Variants in CWC27 observed in about 807,000 individuals in gnomAD.
The protein encoded by CWC27 is spliceosome-associated protein CWC27 homolog.
CWC27 carries 47 observed loss-of-function variants against 63.6 expected under a neutral mutation model. That is an observed-to-expected ratio of 0.74 (90% CI 0.58 to 0.94). The LOEUF is 0.94. CWC27 is among the 40% of genes least tolerant of loss of function. The probability of loss-of-function intolerance (pLI) is 0.00; values close to 1 mark genes in which losing one functional copy is unlikely to be tolerated. For missense variants in CWC27, 495 were observed against 554.3 expected (o/e 0.89, Z 1.07); for synonymous variants, 175 against 179.8 (o/e 0.97, Z 0.22).
intron 11 of CWC27, among the ~76,000 whole-genome samples, chr5:64,934,268 A>C (rs1561161853): frequency 6.6e-6 from 1 of 152,080 alleles, no homozygotes; most frequent in Admixed American, 6.5e-5. Flanking sequence ...CCACTTCCCA[A>C]CAGACCCTGG....
chr5:64,897,049 T>C (rs1340562910), intron 11 of CWC27, among the ~76,000 whole-genome samples: 6 of 152,004 alleles, frequency 3.9e-5, no homozygotes, highest in Non-Finnish European at 8.8e-5. Context: ...TCATTTCTAC[T>C]AAAATACAAA....
At chr5:65,014,117 A>T (rs1750010237) in intron 13 of CWC27, among the ~76,000 whole-genome samples, 1 of 150,958 alleles carries the variant, frequency 6.6e-6, no homozygotes, top group Non-Finnish European at 1.5e-5. Flanking sequence ...CCAAAAAAAC[A>T]CCAAAAACAA....
chr5:64,795,235 T>G (rs1182967804), intron 7 of CWC27, among the ~76,000 whole-genome samples: 1 of 152,232 alleles, frequency 6.6e-6, no homozygotes, highest in Non-Finnish European at 1.5e-5. Flanking sequence ...TGTTAAACAG[T>G]GTAATTTGTA....
intron 10 of CWC27, among the ~76,000 whole-genome samples, chr5:64,831,509 G>T (rs982230397): frequency 2.0e-5 from 3 of 151,702 alleles, no homozygotes; most frequent in Admixed American, 6.6e-5. Flanking sequence ...TAGATAGATA[G>T]ATAGACAGAC....
intron 11 of CWC27, among the ~76,000 whole-genome samples, chr5:64,943,141 T>C (rs1209551192): frequency 1.3e-5 from 2 of 152,066 alleles, no homozygotes; most frequent in Non-Finnish European, 2.9e-5. Flanking sequence ...AGTATGATTA[T>C]ACTCCTAGGT....
intron 7 of CWC27, among the ~76,000 whole-genome samples, chr5:64,795,268 T>G (rs978376388): frequency 5.9e-5 from 9 of 152,188 alleles, no homozygotes; most frequent in Non-Finnish European, 1.3e-4. Context: ...CTTATCAAAT[T>G]GTATTCAACT....
chr5:64,970,464 G>A (rs188709141), intron 11 of CWC27, among the ~76,000 whole-genome samples: 2 of 151,628 alleles, frequency 1.3e-5, no homozygotes, highest in Admixed American at 6.6e-5. Context: ...CGCCCACCTC[G>A]GCCTCCGAAA....
chr5:64,809,888 T>G (rs1274422082), intron 10 of CWC27, among the ~76,000 whole-genome samples: 1 of 152,202 alleles, frequency 6.6e-6, no homozygotes, highest in East Asian at 1.9e-4. Context: ...CGCAGAACTT[T>G]TTTAGTTTGA....
At position 64,830,645 on chromosome 5, in the gene CWC27, C is replaced by A. The variant is rs186380519; in HGVS notation, c.938+26259C>A. Among the ~76,000 whole-genome samples the A allele has an allele frequency of 3.2e-3, 482 of 152,214 alleles. 4 individuals are homozygous for A. Among genetic ancestry groups the A allele is most frequent in the East Asian group, 0.013 (65 of 5,176 alleles). On this transcript the variant is annotated intron_variant, in intron 10 of 13. Coordinates refer to ENST00000381070, the MANE Select transcript of CWC27 (RefSeq NM_005869.4). ...ACCATCAGAGTGAACAGGCCACCTACAGAATGGGAGAAAATTTTTACAATC... is the reference window on the plus strand; with the variant it reads ...ACCATCAGAGTGAACAGGCCACCTAAAGAATGGGAGAAAATTTTTACAATC...
chr5:64,777,569 T>C (rs1428246460), intron 2 of CWC27, among the ~76,000 whole-genome samples: 1 of 152,042 alleles, frequency 6.6e-6, no homozygotes, highest in Non-Finnish European at 1.5e-5. Context: ...TAGCCAGAAA[T>C]AGAAACCATG....
At chr5:64,847,514 TA>T (rs1746020785) in intron 10 of CWC27, among the ~76,000 whole-genome samples, 1 of 152,196 alleles carries the variant, frequency 6.6e-6, no homozygotes, top group South Asian at 2.1e-4. Flanking sequence ...CACTGGACTG[TA>T]ACAATACTTT....
intron 1 of CWC27, among the ~76,000 whole-genome samples, chr5:64,771,977 G>T (rs1743273577): frequency 6.6e-6 from 1 of 152,160 alleles, no homozygotes; most frequent in African/African-American, 2.4e-5. Flanking sequence ...CTTATTATTT[G>T]TCATTTACTT....
intron 12 of CWC27, 88 bp from the exon 13 acceptor site, chr5:64,977,047 A>T: frequency 1.4e-6 from 1 of 718,064 alleles, no homozygotes; most frequent in Non-Finnish European, 2.2e-6. Flanking sequence ...TCCAAGTAGG[A>T]TATTTCCTTT....
intron 11 of CWC27, among the ~76,000 whole-genome samples, chr5:64,894,493 G>A (rs1017704017): frequency 2.0e-5 from 3 of 151,822 alleles, no homozygotes; most frequent in Non-Finnish European, 4.4e-5. Context: ...CTTTTGGAGA[G>A]CACATTATTA....
At chr5:64,936,930 G>A (rs979956822) in intron 11 of CWC27, among the ~76,000 whole-genome samples, 3 of 152,118 alleles carry the variant, frequency 2.0e-5, no homozygotes, top group Admixed American at 1.3e-4. Flanking sequence ...GTATTTCTGT[G>A]CAACCAGTAA....
chr5:64,959,835 G>A (rs1398320946), intron 11 of CWC27, among the ~76,000 whole-genome samples: 3 of 152,096 alleles, frequency 2.0e-5, no homozygotes, highest in African/African-American at 7.2e-5. Context: ...TATTTATTTA[G>A]CACATACTAT....
intron 7 of CWC27, among the ~76,000 whole-genome samples, chr5:64,793,159 G>C (rs780886467): frequency 3.3e-5 from 5 of 152,012 alleles, no homozygotes; most frequent in Admixed American, 6.6e-5. Context: ...CCACAATCTT[G>C]ACACAATTGG....
At chr5:64,923,649 A>C (rs1312571237) in intron 11 of CWC27, among the ~76,000 whole-genome samples, 1 of 145,824 alleles carries the variant, frequency 6.9e-6, no homozygotes, top group Non-Finnish European at 1.5e-5. Context: ...CCCAGTTGAC[A>C]TCTGAATTTT....
chr5:64,892,974 G>A (rs1414472808), intron 11 of CWC27, among the ~76,000 whole-genome samples: 5 of 152,184 alleles, frequency 3.3e-5, no homozygotes, highest in African/African-American at 4.8e-5. Flanking sequence ...TTACATTCAG[G>A]TTAGGTATTT....
Sources: gnomAD v4.1 joint callset for allele counts (sites outside exome capture counted in the v4.1 genomes callset) on GRCh38, gnomAD v4.1.1 for gene constraint, MANE v1.5 for transcripts, NCBI Gene and HGNC (gene_info 2026-07-23, HGNC 2026-07-21) for gene names.